The following CASP9 variants were observed in gnomAD, a reference collection of about 807,000 sequenced individuals.
CASP9 encodes the protein caspase 9.
A neutral mutation model predicts 43.5 loss-of-function variants in CASP9; 29 were observed. That is an observed-to-expected ratio of 0.67 (90% CI 0.50 to 0.91). The LOEUF is 0.91. CASP9 is among the 40% of genes least tolerant of loss of function. The pLI is 0.00. For missense variants in CASP9, 575 were observed against 537.4 expected (o/e 1.07, Z -0.69); for synonymous variants, 206 against 211.9 (o/e 0.97, Z 0.24).
chr1:15,506,339 C>T (rs1474558958), intron 4 of CASP9, among the ~76,000 whole-genome samples: 1 of 152,048 alleles, frequency 6.6e-6, no homozygotes, highest in Non-Finnish European at 1.5e-5. Context: ...ACCTGTAATC[C>T]CAGCTACTCA....
At chr1:15,524,357 A>G, upstream of CASP9, 1 of 1,394,324 alleles carries the variant, frequency 7.2e-7, no homozygotes, top group Non-Finnish European at 9.2e-7. Flanking sequence ...CGCATCTCCA[A>G]GGCCTCGCCC....
At chr1:15,521,931 T>TA (rs1439832306) in intron 1 of CASP9, among the ~76,000 whole-genome samples, 1 of 152,220 alleles carries the variant, frequency 6.6e-6, no homozygotes, top group African/African-American at 2.4e-5. Context: ...GACATGTGGC[T>TA]AATGGCTACT....
rs187853188 is a variant in CASP9 at position 15,504,874 on chromosome 1, G to A, written c.721-116C>T. The A allele has an allele frequency of 5.2e-5, 52 of 991,836 alleles. No individual in the cohort carries two copies. The African/African-American group carries it at 6.0e-4, about 11-fold the overall frequency. 61.4% of individuals were successfully genotyped at this position (991,836 alleles called of 1,614,324 possible). ...GGAAGGTCAAAGCCAGGGGCACGAGGCTGATTGAGACAGAGCAGGTTGGTT... is the reference window on the plus strand; with the variant it reads ...GGAAGGTCAAAGCCAGGGGCACGAGACTGATTGAGACAGAGCAGGTTGGTT... On this transcript the variant is annotated intron_variant, in intron 5 of 8. Coordinates refer to ENST00000333868, the MANE Select transcript of CASP9 (RefSeq NM_001229.5).
At chr1:15,502,016 T>C (rs1299194876) in intron 6 of CASP9, among the ~76,000 whole-genome samples, 1 of 152,162 alleles carries the variant, frequency 6.6e-6, no homozygotes, top group Non-Finnish European at 1.5e-5. Flanking sequence ...TCCCAAACTG[T>C]TGGGATTACA....
Position 15,493,026 on chromosome 1 carries a change from C to T in CASP9, c.1168G>A (p.Ala390Thr). 1 of 1,614,038 alleles carries T rather than the reference C, an allele frequency of 6.2e-7. No individual in the cohort carries two copies. The highest frequency in any genetic ancestry group is 8.5e-7 in the Non-Finnish European group (1 of 1,180,024). The change falls in exon 9 of 9, where the codon GCT becomes ACT. Residue 390 changes from alanine to threonine, a missense_variant. Transcript: ENST00000333868. ...LQSLLLRVAN[A>T]VSVKGIYKQM... ...TTATAAATCCCTTTCACCGAAACAG[C>T]ATTAGCGACCTGTAAGACATGACCA...
rs1231391722 is a variant in CASP9, at chr1:15,494,001, C to G, written c.1049G>C (p.Gly350Ala). Residue 350 changes from glycine to alanine, a missense_variant and splice_region_variant, in exon 8 of 9, where the codon GGT becomes GCT. Physicochemically the swap from Gly to Ala is moderately conservative, Grantham distance 60. Transcript: ENST00000333868. Reference protein sequence around the residue: ...DIFVSYSTFPGFVSWRDPKSG... With the variant: ...DIFVSYSTFPAFVSWRDPKSG... ...CTTGGGGTCCCTCCAGGAAACAAAA[C>G]CTTTGGAGGGAGGAGGGCTGAACAC... is the stretch of plus-strand genomic sequence containing the variant. The G allele has an allele frequency of 3.8e-6, 6 of 1,582,448 alleles. No homozygotes were observed. The highest frequency in any genetic ancestry group is 5.2e-6 in the Non-Finnish European group (6 of 1,164,376).
chr1:15,501,762 T>TTTTTTTA (rs1462253955), intron 6 of CASP9, among the ~76,000 whole-genome samples: 1 of 152,214 alleles, frequency 6.6e-6, no homozygotes, highest in Non-Finnish European at 1.5e-5. Context: ...GCTCATATTT[T>TTTTTTTA]TTTTTTATTT....
At chr1:15,524,752 C>G (rs1710383729), upstream of CASP9, 7 of 1,007,796 alleles carry the variant, frequency 6.9e-6, no homozygotes, top group Middle Eastern at 9.9e-4. Flanking sequence ...GTCCCCAGAA[C>G]CTGCCACCGC....
chr1:15,524,696 T>C, upstream of CASP9: 1 of 996,764 alleles, frequency 1.0e-6, no homozygotes, highest in Non-Finnish European at 1.2e-6. Context: ...TCAGGACGCC[T>C]CCGCGCCTCG....
intron 2 of CASP9, among the ~76,000 whole-genome samples, chr1:15,514,478 C>T (rs1709879295): frequency 6.6e-6 from 1 of 152,180 alleles, no homozygotes; most frequent in Non-Finnish European, 1.5e-5. Flanking sequence ...AAAAGGACAT[C>T]TCTCAGCAGC....
In CASP9 at chr1:15,507,065, A is replaced by C. The variant is rs1709554432; in HGVS notation, c.464T>G (p.Leu155Arg). The C allele has an allele frequency of 1.2e-6, 2 of 1,614,010 alleles. No homozygotes were observed. The highest frequency in any genetic ancestry group is 2.7e-5 in the African/African-American group (2 of 74,944). Residue 155 changes from leucine to arginine, a missense_variant, in exon 4 of 9, where the codon CTG becomes CGG. Coordinates refer to ENST00000333868, the MANE Select transcript of CASP9 (RefSeq NM_001229.5). Reference protein sequence around the residue: ...LRGNADLAYILSMEPCGHCLI... With the variant: ...LRGNADLAYIRSMEPCGHCLI... ...GCAGTGGCCACAGGGCTCCATGCTCAGGATGTAAGCCTGCCAGCACAGGGA... is the reference window on the plus strand; with the variant it reads ...GCAGTGGCCACAGGGCTCCATGCTCCGGATGTAAGCCTGCCAGCACAGGGA...
intron 6 of CASP9, among the ~76,000 whole-genome samples, chr1:15,501,060 C>T (rs1270857929): frequency 6.6e-6 from 1 of 152,156 alleles, no homozygotes; most frequent in African/African-American, 2.4e-5. Flanking sequence ...GCAAAACTCC[C>T]CGTAGGGCAG....
chr1:15,516,894 T>C (rs1709971391), intron 2 of CASP9, among the ~76,000 whole-genome samples: 1 of 152,204 alleles, frequency 6.6e-6, no homozygotes, highest in Non-Finnish European at 1.5e-5. Context: ...TCTCCACTCC[T>C]CACTAGCTGT....
intron 2 of CASP9, 130 bp from the exon 3 acceptor site, chr1:15,508,037 G>A (rs1224187634): frequency 9.5e-6 from 8 of 846,086 alleles, no homozygotes; most frequent in Non-Finnish European, 1.5e-5. Context: ...GCTGGTGGGA[G>A]AGCCACCTTG....
chr1:15,523,740 A>G (rs1710308400), intron 1 of CASP9, among the ~76,000 whole-genome samples: 1 of 152,234 alleles, frequency 6.6e-6, no homozygotes, highest in Admixed American at 6.5e-5. Flanking sequence ...CATTTTCCCA[A>G]TAAATACTTG....
chr1:15,524,837 G>C, upstream of CASP9: 1 of 883,480 alleles, frequency 1.1e-6, no homozygotes, highest in South Asian at 5.2e-5. Flanking sequence ...TCATCGCCCC[G>C]CCCTCAGGAC....
At chr1:15,524,343 C>G, upstream of CASP9, 3 of 1,416,186 alleles carry the variant, frequency 2.1e-6, no homozygotes, top group Non-Finnish European at 2.7e-6. Flanking sequence ...CCACCGCCTC[C>G]GGACGCATCT....
chr1:15,516,535 C>G (rs983124642), intron 2 of CASP9, among the ~76,000 whole-genome samples: 3 of 151,956 alleles, frequency 2.0e-5, no homozygotes, highest in Non-Finnish European at 2.9e-5. Context: ...GAGATAGGAT[C>G]TCACTAAGTT....
chr1:15,513,810 G>C (rs1302244783), intron 2 of CASP9, among the ~76,000 whole-genome samples: 1 of 152,166 alleles, frequency 6.6e-6, no homozygotes, highest in Non-Finnish European at 1.5e-5. Context: ...TGAGGTACTT[G>C]GGTTCAAATC....
Sources: gnomAD v4.1 joint callset for allele counts (sites outside exome capture counted in the v4.1 genomes callset) on GRCh38, gnomAD v4.1.1 for gene constraint, MANE v1.5 for transcripts, NCBI Gene and HGNC (gene_info 2026-07-23, HGNC 2026-07-21) for gene names.